The following TENM2 variants were observed in gnomAD, a reference collection of about 807,000 sequenced individuals.
TENM2 encodes the protein teneurin-2.
TENM2 carries 52 observed loss-of-function variants against 245.2 expected under a neutral mutation model. That is an observed-to-expected ratio of 0.21 (90% CI 0.17 to 0.27). The LOEUF (loss-of-function observed/expected upper bound fraction) is 0.27. Ranked by LOEUF, TENM2 falls within the 10% of genes least tolerant of loss-of-function variation. The pLI, the probability that TENM2 is intolerant of heterozygous loss-of-function variation, is 1.00. For synonymous variants in TENM2, 1,363 were observed against 1,438.9 expected, an observed-to-expected ratio of 0.95 and a Z score of 1.19; for missense variants, 3,046 against 3,666.8, an observed-to-expected ratio of 0.83 and a Z score of 4.37.
the TENM2 span, among the ~76,000 whole-genome samples, chr5:167,153,772 T>G: frequency 6.6e-6 from 1 of 152,122 alleles, no homozygotes; most frequent in East Asian, 1.9e-4. Context: ...ACATAAATAT[T>G]TAACCTTCCC....
At chr5:167,373,558 T>G (rs1402027035) in intron 1 of TENM2, among the ~76,000 whole-genome samples, 1 of 152,196 alleles carries the variant, frequency 6.6e-6, no homozygotes, top group African/African-American at 2.4e-5. Context: ...CATCAGTAAG[T>G]AGAGTGGACC....
At position 168,226,303 on chromosome 5, in the gene TENM2, C is replaced by T. The variant is rs1255026961; in HGVS notation, c.5284+40C>T. 2.5e-6 allele frequency: 4 copies of T among 1,587,134 alleles called. No individual in the cohort carries two copies. The South Asian group carries it at 3.4e-5, about 14-fold the overall frequency. ...ATACCATCCTACCCCCAAACTCACCCATAGACCCAGAACCCAGCCAAGCCC... is the reference window on the plus strand; with the variant it reads ...ATACCATCCTACCCCCAAACTCACCTATAGACCCAGAACCCAGCCAAGCCC... On this transcript the variant is annotated intron_variant, in intron 24 of 28. Coordinates refer to ENST00000518659, the Ensembl canonical transcript of TENM2.
chr5:167,761,928 T>C (rs1762698670), intron 2 of TENM2, among the ~76,000 whole-genome samples: 1 of 152,132 alleles, frequency 6.6e-6, no homozygotes, highest in African/African-American at 2.4e-5. Flanking sequence ...ATTGAAAAAG[T>C]TTCCTCAACT....
rs141023448 is a variant in TENM2 at position 167,953,683 on chromosome 5, G to A, written c.947+861G>A. On this transcript the variant is annotated intron_variant, in intron 4 of 28. Transcript: ENST00000518659. ...CCTTGTCTAGAAGAACCATGGAGAC[G>A]GAACAGAGAGGAGGGCTAATTCATA... Among the ~76,000 whole-genome samples, 184 of 152,274 alleles carry A rather than the reference G, an allele frequency of 1.2e-3. 1 individual carries two copies. Among genetic ancestry groups the A allele is most frequent in the African/African-American group, 4.3e-3 (180 of 41,558 alleles).
chr5:167,538,932 C>G (rs982097132), intron 2 of TENM2, among the ~76,000 whole-genome samples: 1 of 152,060 alleles, frequency 6.6e-6, no homozygotes, highest in Non-Finnish European at 1.5e-5. Context: ...TAAACCTTTC[C>G]CATCATTATG....
chr5:167,610,519 CT>C (rs1299775859), intron 2 of TENM2, among the ~76,000 whole-genome samples: 1 of 152,130 alleles, frequency 6.6e-6, no homozygotes, highest in Non-Finnish European at 1.5e-5. Context: ...ACCCTCATCA[CT>C]CCAGAGATTC....
chr5:167,322,213 GTTTT>G (rs70976410), intron 1 of TENM2, among the ~76,000 whole-genome samples: 1 of 146,098 alleles, frequency 6.8e-6, no homozygotes, highest in African/African-American at 2.5e-5. Flanking sequence ...AAAAATATTT[GTTTT>G]TTTTTTTTTG....
At chr5:167,438,788 T>C (rs901332998) in intron 2 of TENM2, among the ~76,000 whole-genome samples, 3 of 151,918 alleles carry the variant, frequency 2.0e-5, no homozygotes, top group Non-Finnish European at 4.4e-5. Context: ...AAGCGAAGTT[T>C]TTTGTTTGAT....
intron 25 of TENM2, among the ~76,000 whole-genome samples, chr5:168,229,215 CT>C: frequency 6.6e-6 from 1 of 152,264 alleles, no homozygotes; most frequent in South Asian, 2.1e-4. Flanking sequence ...GCTAAATTAC[CT>C]GTCCAAGGAC....
At chr5:167,590,479 C>T (rs548512833) in intron 2 of TENM2, among the ~76,000 whole-genome samples, 1 of 152,052 alleles carries the variant, frequency 6.6e-6, no homozygotes, top group African/African-American at 2.4e-5. Flanking sequence ...AATGGTTAAT[C>T]CATTACTAGA....
chr5:167,600,820 T>A (rs1419757189), intron 2 of TENM2, among the ~76,000 whole-genome samples: 2 of 152,234 alleles, frequency 1.3e-5, no homozygotes, highest in Admixed American at 1.3e-4. Context: ...AAGGGTAGAA[T>A]TGATTTCTGG....
chr5:167,127,565 T>C, the TENM2 span, among the ~76,000 whole-genome samples: 1 of 150,572 alleles, frequency 6.6e-6, no homozygotes, highest in East Asian at 1.9e-4. Context: ...ATTAAATGGG[T>C]TGAAAAGTAA....
chr5:167,311,832 C>G (rs997115884), intron 1 of TENM2, among the ~76,000 whole-genome samples: 5 of 152,156 alleles, frequency 3.3e-5, no homozygotes, highest in African/African-American at 1.2e-4. Context: ...CTAAATTTTT[C>G]AGCCACATAT....
At chr5:168,029,261 G>A (rs564971393) in intron 5 of TENM2, among the ~76,000 whole-genome samples, 4 of 152,224 alleles carry the variant, frequency 2.6e-5, no homozygotes, top group Non-Finnish European at 4.4e-5. Flanking sequence ...CTCAACATAC[G>A]AATTCTGGGG....
At chr5:167,508,144 T>G (rs1769680200) in intron 2 of TENM2, among the ~76,000 whole-genome samples, 1 of 152,128 alleles carries the variant, frequency 6.6e-6, no homozygotes, top group Non-Finnish European at 1.5e-5. Flanking sequence ...TCAGAATAAT[T>G]TTCACTTGAA....
Position 167,494,061 on chromosome 5 carries a change from T to C in TENM2, c.502+118588T>C, listed in dbSNP as rs145100325. ...GAAAAATAATATTAGAGTTGATTCT[T>C]GAAGGATGGGTAGAATTTAATGATC... On this transcript the variant is annotated intron_variant, in intron 2 of 28. Coordinates refer to ENST00000518659, the Ensembl canonical transcript of TENM2. Among the ~76,000 whole-genome samples the C allele has an allele frequency of 2.0e-3, 310 of 152,194 alleles. 3 individuals carry two copies. The highest frequency in any genetic ancestry group is 7.2e-3 in the African/African-American group (297 of 41,536).
intron 23 of TENM2, among the ~76,000 whole-genome samples, chr5:168,223,115 C>T (rs1382477523): frequency 6.6e-6 from 1 of 152,142 alleles, no homozygotes; most frequent in Non-Finnish European, 1.5e-5. Context: ...TGGAGGCAGC[C>T]GAATCTTCTT....
chr5:167,942,315 G>A (rs560544796), intron 3 of TENM2, among the ~76,000 whole-genome samples: 31 of 152,238 alleles, frequency 2.0e-4, no homozygotes, highest in African/African-American at 5.5e-4. Flanking sequence ...CACTTTAAAC[G>A]TAGTATCTCA....
intron 2 of TENM2, among the ~76,000 whole-genome samples, chr5:167,861,627 T>C (rs1213472926): frequency 6.6e-6 from 1 of 152,194 alleles, no homozygotes; most frequent in African/African-American, 2.4e-5. Context: ...GCAAACGCTG[T>C]GGCCATTGTG....
Sources: allele counts gnomAD v4.1 joint callset (sites outside exome capture counted in the v4.1 genomes callset), GRCh38; gene constraint gnomAD v4.1.1; transcripts MANE v1.5; gene names NCBI Gene and HGNC (gene_info 2026-07-23, HGNC 2026-07-21).